The following B9D1 variants were observed in gnomAD, a reference collection of about 807,000 sequenced individuals.
B9D1 encodes the protein B9 domain-containing protein 1.
In B9D1, 20 loss-of-function variants were observed where a neutral mutation model predicts 26.1. That is an observed-to-expected ratio of 0.77 (90% CI 0.54 to 1.12). B9D1 has a LOEUF of 1.12. Among genes scored for constraint, B9D1 ranks in the 50% most tolerant of loss-of-function variants. The probability of loss-of-function intolerance (pLI) is 0.00; values close to 1 mark genes in which losing one functional copy is unlikely to be tolerated. For synonymous variants in B9D1, 105 were observed against 103.1 expected, an observed-to-expected ratio of 1.02 and a Z score of -0.11; for missense variants, 260 against 273.7, an observed-to-expected ratio of 0.95 and a Z score of 0.35.
intron 3 of B9D1, among the ~76,000 whole-genome samples, chr17:19,354,320 A>T (rs893657046): frequency 6.6e-6 from 1 of 152,204 alleles, no homozygotes; most frequent in Non-Finnish European, 1.5e-5. Flanking sequence ...CCCATGCCTC[A>T]GTCAACTCTT....
chr17:19,377,856 T>C (rs1466121252), intron 1 of B9D1: 12 of 985,190 alleles, frequency 1.2e-5, no homozygotes, highest in African/African-American at 3.5e-5. Context: ...GGAGGGAAGA[T>C]ACCTAGAAGC....
At chr17:19,355,528 T>TA (rs368938633) in intron 3 of B9D1, among the ~76,000 whole-genome samples, 101,345 of 138,178 alleles carry the variant, frequency 0.73, 40,483 homozygotes, top group Non-Finnish European at 0.92. Context: ...TGTCTGCAAT[T>TA]AAAAAAAAAA....
downstream of B9D1, chr17:19,335,187 ACAG>A (rs926820033): frequency 1.5e-4 from 58 of 397,276 alleles, no homozygotes; most frequent in Non-Finnish European, 2.3e-4. Context: ...AAAAAAAACA[ACAG>A]CAACAAAAAA....
At chr17:19,336,080 CTGAG>C, downstream of B9D1, 1 of 152,306 alleles carries the variant, frequency 6.6e-6, no homozygotes, top group East Asian at 1.9e-4. Context: ...CATGCAGGCT[CTGAG>C]TGGGGACTGC....
Position 19,347,652 on chromosome 17 carries a change from G to A in B9D1, c.341+132C>T. ...CCCAAATACAGGCTACAACCCCCCT[G>A]GCCACCAGGCTGAGCTGCCCAGGCC... is the stretch of plus-strand genomic sequence containing the variant. On this transcript the variant is annotated intron_variant, in intron 4 of 6. Transcript: ENST00000261499. This position sits in a 1 kb window ranked among gnomAD's most constrained non-coding sequence, Gnocchi z 4.3. 2 of 890,556 alleles carry A rather than the reference G, an allele frequency of 2.2e-6. No individual in the cohort carries two copies. The highest frequency in any genetic ancestry group is 3.6e-6 in the Non-Finnish European group (2 of 554,680). The allele number at this position is 890,556 out of a possible 1,614,324, so 55.2% of individuals were successfully genotyped here. A position where few individuals can be genotyped will look rare whatever the true frequency, so the allele number is the denominator to read the frequency against.
chr17:19,363,004 G>A, upstream of B9D1: 1 of 269,528 alleles, frequency 3.7e-6, no homozygotes, highest in Non-Finnish European at 7.6e-6. Context: ...AGCAAGCCGA[G>A]TGTTTAAAAT....
At chr17:19,376,821 T>C (rs554853393) in intron 1 of B9D1, among the ~76,000 whole-genome samples, 128 of 149,366 alleles carry the variant, frequency 8.6e-4, no homozygotes, top group Non-Finnish European at 1.7e-3. Context: ...TAAAATAAAA[T>C]AAAATAAAAT....
At chr17:19,354,759 C>T (rs1453644986) in intron 3 of B9D1, among the ~76,000 whole-genome samples, 1 of 152,036 alleles carries the variant, frequency 6.6e-6, no homozygotes, top group Non-Finnish European at 1.5e-5. Context: ...ACCTGGGAGG[C>T]GGAGGTTGCA....
At chr17:19,350,691 A>G (rs973407583) in intron 3 of B9D1, among the ~76,000 whole-genome samples, 1 of 152,188 alleles carries the variant, frequency 6.6e-6, no homozygotes, top group African/African-American at 2.4e-5. Context: ...TTCACCAGTA[A>G]AAGTGATGTT....
At chr17:19,341,449 A>C, downstream of B9D1, 58 of 561,790 alleles carry the variant, frequency 1.0e-4, no homozygotes, top group South Asian at 1.9e-4. Flanking sequence ...AGGAAAACTC[A>C]CGATGGAGGG....
intron 3 of B9D1, among the ~76,000 whole-genome samples, chr17:19,356,411 T>C (rs1397041699): frequency 6.6e-6 from 1 of 152,186 alleles, no homozygotes; most frequent in Non-Finnish European, 1.5e-5. Flanking sequence ...TTCTAATTTG[T>C]TTTTGTCAGG....
chr17:19,375,649 G>C (rs1437923490), intron 1 of B9D1, among the ~76,000 whole-genome samples: 4 of 152,216 alleles, frequency 2.6e-5, no homozygotes, highest in African/African-American at 9.7e-5. Context: ...AGCTGAGGGA[G>C]AAGAATTGCT....
intron 3 of B9D1, among the ~76,000 whole-genome samples, chr17:19,351,830 G>C (rs1909642249): frequency 6.6e-6 from 1 of 151,856 alleles, no homozygotes; most frequent in Non-Finnish European, 1.5e-5. Flanking sequence ...TCTTTTTACT[G>C]TCTGCAAGAT....
upstream of B9D1, among the ~76,000 whole-genome samples, chr17:19,366,241 C>T (rs1307700649): frequency 6.6e-6 from 1 of 151,976 alleles, no homozygotes; most frequent in African/African-American, 2.4e-5. Context: ...GGGGTCCACC[C>T]TCAGCACCTT....
intron 1 of B9D1, among the ~76,000 whole-genome samples, chr17:19,374,250 A>C (rs1024991264): frequency 4.6e-5 from 7 of 152,200 alleles, no homozygotes; most frequent in Non-Finnish European, 7.3e-5. Flanking sequence ...AGTGGCAGGG[A>C]CTGTGGTGAA....
chr17:19,339,220 T>A (rs1907703126), downstream of B9D1, among the ~76,000 whole-genome samples: 2 of 152,214 alleles, frequency 1.3e-5, no homozygotes, highest in South Asian at 4.1e-4. Flanking sequence ...ATGCTAATTT[T>A]TTTTAGATTG....
intron 3 of B9D1, 163 bp downstream of exon 3, chr17:19,357,677 G>A (rs1480649838): frequency 1.5e-6 from 1 of 678,666 alleles, no homozygotes; most frequent in Admixed American, 2.1e-5. Flanking sequence ...GGAAGAAGAG[G>A]AGGGAAAGGG....
At position 19,347,867 on chromosome 17, in the gene B9D1, C is replaced by T. The variant is rs770757538; in HGVS notation, c.258G>A (p.Val86=). 1 of 1,614,092 alleles carries T rather than the reference C, an allele frequency of 6.2e-7. No individual in the cohort carries two copies. Among genetic ancestry groups the T allele is most frequent in the Non-Finnish European group, 8.5e-7 (1 of 1,180,020 alleles). The change falls in exon 4 of 7, where the codon GTG becomes GTA. Residue 86 remains valine (V), a synonymous_variant. Transcript: ENST00000261499. The surrounding 1 kb of genome is among the most constrained non-coding windows in gnomAD (Gnocchi z 4.3). ...ACACATCTGGTCCATACACGCTGAG[C>T]ACGATCTGTGGCCCTTGGGAAGGAC... is the stretch of plus-strand genomic sequence containing the variant. The part of the protein sequence containing the change: ...STNPYGWPQI[V]LSVYGPDVFG...
intron 1 of B9D1, among the ~76,000 whole-genome samples, chr17:19,376,898 T>C (rs7209326): frequency 0.077 from 11,754 of 152,160 alleles, 1,566 homozygotes; most frequent in African/African-American, 0.27. Flanking sequence ...TTCCTTTCTA[T>C]AGATAATAAC....
Sources: gnomAD v4.1 joint callset for allele counts (sites outside exome capture counted in the v4.1 genomes callset) on GRCh38, gnomAD v4.1.1 for gene constraint, Gnocchi (gnomAD v3.1) non-coding constraint, MANE v1.5 for transcripts, NCBI Gene and HGNC (gene_info 2026-07-23, HGNC 2026-07-21) for gene names.